The following GGNBP2 variants were observed in gnomAD, a reference collection of about 807,000 sequenced individuals.
The protein encoded by GGNBP2 is gametogenetin binding protein 2.
In GGNBP2, 10 loss-of-function variants were observed where a neutral mutation model predicts 85.9. That is an observed-to-expected ratio of 0.12 (90% CI 0.07 to 0.20). The LOEUF (loss-of-function observed/expected upper bound fraction) is 0.20, where lower values mean the gene tolerates loss of function less well. GGNBP2 is among the 10% of genes least tolerant of loss of function. The pLI is 1.00. For synonymous variants in GGNBP2, 287 were observed against 285.7 expected (o/e 1.00, Z -0.05); for missense variants, 595 against 857.8 (o/e 0.69, Z 3.83).
intron 9 of GGNBP2, among the ~76,000 whole-genome samples, chr17:36,584,190 C>T (rs879747870): frequency 6.6e-6 from 1 of 152,168 alleles, no homozygotes; most frequent in African/African-American, 2.4e-5. Context: ...GCTAAATATC[C>T]AAGTCTCTCA....
chr17:36,549,171 T>A (rs1331705077), intron 2 of GGNBP2, among the ~76,000 whole-genome samples: 1 of 152,150 alleles, frequency 6.6e-6, no homozygotes, highest in African/African-American at 2.4e-5. Context: ...ACAGATAGAA[T>A]ACATATTTGA....
rs2074652719 is a variant in GGNBP2, at chr17:36,581,741, T to C, written c.1215+203T>C. ...TATTTATTTTATTTTATTTTTTTAA[T>C]AAAAATAAAAAGTACAGTCGTCCCT... On this transcript the variant is annotated intron_variant, in intron 9 of 13. Coordinates refer to ENST00000613102, the MANE Select transcript of GGNBP2 (RefSeq NM_024835.5). 12 of 348,736 alleles carry C rather than the reference T, an allele frequency of 3.4e-5. No homozygotes were observed. In the East Asian group the frequency reaches 5.3e-4, roughly 15 times the overall value. The allele number at this position is 348,736 out of a possible 1,614,324, so 21.6% of individuals were successfully genotyped here.
chr17:36,584,682 C>T (rs1218804046), intron 9 of GGNBP2, among the ~76,000 whole-genome samples: 1 of 152,304 alleles, frequency 6.6e-6, no homozygotes, highest in Admixed American at 6.5e-5. Flanking sequence ...GGCGTGGAGG[C>T]TCATGCCTGT....
chr17:36,545,430 G>A (rs2074240751), intron 1 of GGNBP2, 189 bp from the exon 2 acceptor site: 1 of 377,660 alleles, frequency 2.6e-6, no homozygotes, highest in Non-Finnish European at 4.7e-6. Context: ...CGGGAGAGAG[G>A]GAGGGAGCGC....
chr17:36,548,563 C>T (rs950972969), intron 2 of GGNBP2, among the ~76,000 whole-genome samples: 7 of 128,502 alleles, frequency 5.4e-5, no homozygotes, highest in Non-Finnish European at 1.1e-4. Context: ...TGCGGTGAGC[C>T]GAGATCGCAC....
In GGNBP2 at chr17:36,589,713, T is replaced by G. The variant is rs888194399; in HGVS notation, c.*302T>G. ...CAAAAAGTAATGTTGTACTTATAAT[T>G]CTGTACAGAAATGACAATGAGCTGA... On this transcript the variant is annotated 3_prime_UTR_variant, in exon 14 of 14. Coordinates refer to ENST00000613102, the MANE Select transcript of GGNBP2 (RefSeq NM_024835.5). The G allele has an allele frequency of 1.9e-5, 7 of 378,100 alleles. No homozygotes were observed. Among genetic ancestry groups the G allele is most frequent in the South Asian group, 4.5e-5 (1 of 22,344 alleles). 23.4% of individuals were successfully genotyped at this position (378,100 alleles called of 1,614,324 possible).
Position 36,586,994 on chromosome 17 carries a change from C to T in GGNBP2, c.1642-3C>T. On this transcript the variant is annotated splice_polypyrimidine_tract_variant and splice_region_variant and intron_variant, in intron 12 of 13. Transcript: ENST00000613102. ...CCTGTGAAATCCTTTGCTGTGGTAT[C>T]AGATCCAGAAGCTTGGAAGCTGTAT... 1 of 1,603,110 alleles carries T rather than the reference C, an allele frequency of 6.2e-7. No homozygotes were observed. The highest frequency in any genetic ancestry group is 8.5e-7 in the Non-Finnish European group (1 of 1,174,062).
chr17:36,571,942 G>T (rs548306966), intron 6 of GGNBP2, among the ~76,000 whole-genome samples: 1 of 151,910 alleles, frequency 6.6e-6, no homozygotes, highest in African/African-American at 2.4e-5. Flanking sequence ...TCATCTACTC[G>T]GGAGGCTGAG....
At chr17:36,586,919 T>C (rs2074707485) in intron 12 of GGNBP2, 78 bp from the exon 13 acceptor site, 2 of 294,620 alleles carry the variant, frequency 6.8e-6, no homozygotes, top group Non-Finnish European at 4.5e-6. Flanking sequence ...GTGCCCCGCT[T>C]TTTTTTTTTT....
At position 36,554,882 on chromosome 17, in the gene GGNBP2, G is replaced by T. The variant is rs1448593817; in HGVS notation, c.156G>T (p.Gln52His). Reference protein sequence around the residue: ...NLDGHQNNGAQLKQFIQRHGM... With the variant: ...NLDGHQNNGAHLKQFIQRHGM... ...ATGGACATCAGAATAATGGTGCACA[G>T]CTAAAGCAGTTCATTCAGGTAATAG... The change falls in exon 3 of 14, where the codon CAG (glutamine) becomes CAT (histidine). Residue 52 changes from glutamine to histidine, a missense_variant. By Grantham distance (24) the Gln-to-His change is conservative (BLOSUM62 0). Around this residue, in one of 9 missense-constraint regions of GGNBP2, gnomAD observed 216 missense variants for 293.4 expected, o/e 0.74. Coordinates refer to ENST00000613102, the MANE Select transcript of GGNBP2 (RefSeq NM_024835.5). 2.5e-6 allele frequency: 4 copies of T among 1,601,552 alleles called. No homozygotes were observed. The highest frequency in any genetic ancestry group is 3.3e-5 in the Admixed American group (2 of 60,010).
At chr17:36,575,613 C>CATACATAT (rs2074569081) in intron 6 of GGNBP2, among the ~76,000 whole-genome samples, 1 of 66,948 alleles carries the variant, frequency 1.5e-5, no homozygotes, top group Non-Finnish European at 2.4e-5. Flanking sequence ...TCTAATGTAA[C>CATACATAT]ATATATATAT....
At chr17:36,585,808 T>G (rs2074695103) in intron 10 of GGNBP2, 32 bp from the exon 11 acceptor site, 1 of 1,596,570 alleles carries the variant, frequency 6.3e-7, no homozygotes, top group Non-Finnish European at 8.6e-7. Context: ...TATTGGTATG[T>G]TAATAGTAAC....
intron 1 of GGNBP2, 185 bp from the exon 2 acceptor site, chr17:36,545,434 G>A (rs568502170): frequency 1.0e-5 from 4 of 381,360 alleles, no homozygotes; most frequent in East Asian, 4.0e-5. Flanking sequence ...AGAGAGGGAG[G>A]GAGCGCGGCG....
chr17:36,583,345 C>G (rs1471223135), intron 9 of GGNBP2, among the ~76,000 whole-genome samples: 1 of 152,124 alleles, frequency 6.6e-6, no homozygotes, highest in African/African-American at 2.4e-5. Context: ...AGCCACCGCG[C>G]CTGACGGAAT....
At chr17:36,576,091 A>G (rs2074578792) in intron 6 of GGNBP2, among the ~76,000 whole-genome samples, 1 of 144,416 alleles carries the variant, frequency 6.9e-6, no homozygotes, top group South Asian at 2.4e-4. Flanking sequence ...TAATCCCAAC[A>G]CTTTGGGAGG....
chr17:36,560,754 A>G lies in GGNBP2; in HGVS notation c.429-19A>G, dbSNP rs1179670156. 20 of 1,253,844 alleles carry G rather than the reference A, an allele frequency of 1.6e-5. No individual in the cohort carries two copies. The highest frequency in any genetic ancestry group is 2.2e-5 in the Non-Finnish European group (19 of 877,168). 77.7% of individuals were successfully genotyped at this position (1,253,844 alleles called of 1,614,324 possible). A position where few individuals can be genotyped will look rare whatever the true frequency, so the allele number is the denominator to read the frequency against. On this transcript the variant is annotated intron_variant, in intron 4 of 13. Transcript: ENST00000613102. The stretch of plus-strand genomic sequence containing the variant: ...AAGTAAAATGAATTAAACCCTTAAT[A>G]TGTTTTATTTTTAATTAGGTCCAAA...
At position 36,557,005 on chromosome 17, in the gene GGNBP2, G is replaced by GA. The variant is rs994082913; in HGVS notation, c.175-77dup. 4.7e-5 allele frequency: 73 copies of GA among 1,555,174 alleles called. No individual in the cohort carries two copies. In the Admixed American group the frequency reaches 4.9e-4, roughly 10 times the overall value. ...GCCAGGTTGTACTTTACTGCACAAGGATAGGAACCAGTAGTAGTGAAAGTG... is the reference window on the plus strand; with the variant it reads ...GCCAGGTTGTACTTTACTGCACAAGGAATAGGAACCAGTAGTAGTGAAAGTG... On this transcript the variant is annotated intron_variant, in intron 3 of 13. Coordinates refer to ENST00000613102, the MANE Select transcript of GGNBP2 (RefSeq NM_024835.5).
chr17:36,561,081 T>C (rs968662297), intron 5 of GGNBP2, among the ~76,000 whole-genome samples: 1 of 151,900 alleles, frequency 6.6e-6, no homozygotes, highest in Admixed American at 6.6e-5. Flanking sequence ...TTAAAAAAAT[T>C]TTTTTATGTT....
At chr17:36,562,941 G>A (rs564659320) in intron 5 of GGNBP2, among the ~76,000 whole-genome samples, 18 of 113,592 alleles carry the variant, frequency 1.6e-4, no homozygotes, top group South Asian at 1.3e-3. Flanking sequence ...GCGACAGAGC[G>A]AGACTCTGTC....
Sources: allele counts gnomAD v4.1 joint callset (sites outside exome capture counted in the v4.1 genomes callset), GRCh38; gene constraint gnomAD v4.1.1; regional missense constraint gnomAD v4.1.1; transcripts MANE v1.5; gene names NCBI Gene and HGNC (gene_info 2026-07-23, HGNC 2026-07-21).